Variants in STAG2 observed in about 807,000 individuals in gnomAD.
STAG2 encodes STAG2 cohesin complex component.
Under a neutral mutation model 108.1 loss-of-function variants are expected in STAG2, and 14 were observed. The observed-to-expected ratio is 0.13, with a 90% CI of 0.09 to 0.20. STAG2 has a LOEUF of 0.20. STAG2 is among the 10% of genes least tolerant of loss of function. The pLI is 1.00. For missense variants in STAG2, 440 were observed against 940.9 expected (o/e 0.47, Z 6.96); for synonymous variants, 307 against 302.7 (o/e 1.01, Z -0.15).
At chrX:124,025,627 T>C (rs1220925240) in intron 3 of STAG2, among the ~76,000 whole-genome samples, 1 of 111,573 alleles carries the variant, frequency 9.0e-6, no homozygotes, top group Admixed American at 9.6e-5. Flanking sequence ...ATTTGTATTT[T>C]AGATTATTAT....
chrX:123,979,150 C>T (rs2054760165), intron 1 of STAG2, among the ~76,000 whole-genome samples: 1 of 111,661 alleles, frequency 9.0e-6, no homozygotes, highest in Non-Finnish European at 1.9e-5. Context: ...TTGTTGATCC[C>T]TCTGCCTGGC....
At chrX:123,979,296 T>G (rs989287051) in intron 1 of STAG2, among the ~76,000 whole-genome samples, 2 of 111,129 alleles carry the variant, frequency 1.8e-5, no homozygotes, top group African/African-American at 6.5e-5. Flanking sequence ...AATATTACCA[T>G]CAAACATACA....
intron 16 of STAG2, 116 bp downstream of exon 16, chrX:124,061,457 G>T (rs951444423): frequency 3.7e-6 from 2 of 533,942 alleles, no homozygotes; most frequent in African/African-American, 4.7e-5. Flanking sequence ...ATCTTACTTC[G>T]TGCATAGTTT....
At chrX:123,992,207 G>A (rs781169429) in intron 1 of STAG2, among the ~76,000 whole-genome samples, 12 of 111,296 alleles carry the variant, frequency 1.1e-4, no homozygotes, top group East Asian at 5.7e-4. Context: ...TGTGCTCTGC[G>A]TTTTTAAACA....
intron 1 of STAG2, among the ~76,000 whole-genome samples, chrX:123,972,821 C>G (rs1446581937): frequency 1.2e-5 from 1 of 86,147 alleles, no homozygotes; most frequent in Non-Finnish European, 2.2e-5. Flanking sequence ...GAGTTCAAGA[C>G]CAGTCTGGGC....
intron 32 of STAG2, among the ~76,000 whole-genome samples, chrX:124,093,652 A>G (rs1433619634): frequency 9.1e-6 from 1 of 109,487 alleles, no homozygotes; most frequent in Non-Finnish European, 1.9e-5. Context: ...TGAAAATGTC[A>G]TTTTTTTGGT....
In STAG2 at chrX:124,096,005, A is replaced by G. The variant is rs1204466180; in HGVS notation, c.3783+556A>G. On this transcript the variant is annotated intron_variant, in intron 34 of 34. Transcript: ENST00000371145. ...ACCTCTTATATCAGTCCCCTGTGCC[A>G]TATTCTCCTTGACAGTGCCTTGATT... is the stretch of plus-strand genomic sequence containing the variant. 3.6e-5 allele frequency among the ~76,000 whole-genome samples: 4 copies of G among 109,858 alleles called. No homozygotes were observed. In the East Asian group the frequency reaches 1.2e-3, roughly 32 times the overall value.
intron 4 of STAG2, among the ~76,000 whole-genome samples, chrX:124,028,512 C>A (rs1279081720): frequency 9.0e-6 from 1 of 110,703 alleles, no homozygotes; most frequent in African/African-American, 3.3e-5. Context: ...CCAAGGGTAA[C>A]TGAAACTGAA....
At chrX:124,064,112 A>G in intron 20 of STAG2, 61 bp downstream of exon 20, 1 of 851,620 alleles carries the variant, frequency 1.2e-6, no homozygotes, top group East Asian at 3.3e-5. Context: ...CAGTAAGCTA[A>G]TTAGTCACCC....
At chrX:123,989,439 T>C (rs1415117874) in intron 1 of STAG2, among the ~76,000 whole-genome samples, 2 of 111,122 alleles carry the variant, frequency 1.8e-5, no homozygotes, top group Non-Finnish European at 3.8e-5. Flanking sequence ...TTTTACAATA[T>C]CAGCATATTT....
rs2148209389 is a variant in STAG2 at position 124,049,057 on chromosome X, G to C, written c.872G>C (p.Gly291Ala). 8.3e-7 allele frequency: 1 copy of C among 1,199,283 alleles called. No homozygotes were observed. Among genetic ancestry groups the C allele is most frequent in the Non-Finnish European group, 1.1e-6 (1 of 886,878 alleles). The change falls in exon 10 of 35, where the codon GGA (glycine) becomes GCA (alanine). Residue 291 changes from glycine (G) to alanine (A), a missense_variant. By Grantham distance (60) the Gly-to-Ala change is moderately conservative. Coordinates refer to ENST00000371145, the MANE Select transcript of STAG2 (RefSeq NM_001042750.2). The stretch of plus-strand genomic sequence containing the variant: ...AATATGATGAATGCAATATTTAAAG[G>C]AGTGTTTGTACATAGATACCGGTAA... ...IENMMNAIFK[G>A]VFVHRYRDAI...
intron 1 of STAG2, among the ~76,000 whole-genome samples, chrX:123,984,718 C>T (rs1382163948): frequency 9.0e-6 from 1 of 111,479 alleles, no homozygotes; most frequent in African/African-American, 3.3e-5. Context: ...TTCACTGCAG[C>T]TTCTGCCTCC....
At chrX:124,094,982 C>T (rs1389342990) in intron 33 of STAG2, among the ~76,000 whole-genome samples, 1 of 110,334 alleles carries the variant, frequency 9.1e-6, no homozygotes, top group Non-Finnish European at 1.9e-5. Context: ...GACTTCAGTG[C>T]AGTGGCACAA....
chrX:124,003,568 CCT>C (rs2056150605), intron 1 of STAG2: 2 of 109,195 alleles, frequency 1.8e-5, no homozygotes, highest in East Asian at 5.8e-4. Context: ...ATTACAGGCG[CCT>C]GCCACCACGC....
chrX:124,014,014 A>G (rs2056614196), intron 1 of STAG2, among the ~76,000 whole-genome samples: 1 of 111,727 alleles, frequency 9.0e-6, no homozygotes, highest in Non-Finnish European at 1.9e-5. Context: ...CTGAGTATGT[A>G]GGTTTGTCAA....
intron 2 of STAG2, among the ~76,000 whole-genome samples, chrX:124,022,088 A>AG (rs1195850611): frequency 1.8e-5 from 2 of 111,490 alleles, no homozygotes; most frequent in African/African-American, 6.5e-5. Context: ...TAAGCAGTCA[A>AG]GGTCAGGCAC....
chrX:123,972,167 TC>T (rs1174489813), intron 1 of STAG2, among the ~76,000 whole-genome samples: 1 of 111,206 alleles, frequency 9.0e-6, no homozygotes, highest in South Asian at 3.8e-4. Flanking sequence ...TAAGGAGACT[TC>T]CAGTTTTGTT....
chrX:124,077,564 G>A (rs759725014), intron 26 of STAG2, among the ~76,000 whole-genome samples: 3 of 111,422 alleles, frequency 2.7e-5, no homozygotes, highest in South Asian at 3.7e-4. Context: ...CTGTATACCC[G>A]GTATCAATGA....
Position 124,042,580 on chromosome X carries a change from G to A in STAG2, c.397G>A (p.Ala133Thr), listed in dbSNP as rs150057715. 2 of 1,200,349 alleles carry A rather than the reference G, an allele frequency of 1.7e-6. No homozygotes were observed. The highest frequency in any genetic ancestry group is 1.8e-5 in the African/African-American group (1 of 57,017). Reference sequence around the variant, plus strand: ...TTTGCAAATTTCAGGAGTTGTCACAGCAGAAATGTTTAGACATATGCAGAA... The same window carrying A: ...TTTGCAAATTTCAGGAGTTGTCACAACAGAAATGTTTAGACATATGCAGAA... Reference protein sequence around the residue: ...QCSGCKGVVTAEMFRHMQNSE... With the variant: ...QCSGCKGVVTTEMFRHMQNSE... Residue 133 changes from alanine to threonine, a missense_variant, in exon 7 of 35, where the codon GCA becomes ACA. Ala to Thr is a moderately conservative substitution (Grantham distance 58). Around this residue, in one of 3 missense-constraint regions of STAG2, gnomAD observed 69 missense variants for 254.9 expected, o/e 0.27. Coordinates refer to ENST00000371145, the MANE Select transcript of STAG2 (RefSeq NM_001042750.2).
Sources: gnomAD v4.1 joint callset for allele counts (sites outside exome capture counted in the v4.1 genomes callset) on GRCh38, gnomAD v4.1.1 for gene constraint, gnomAD v4.1.1 regional missense constraint, MANE v1.5 for transcripts, NCBI Gene and HGNC (gene_info 2026-07-23, HGNC 2026-07-21) for gene names.